MTSS2: variants seen among roughly 807,000 people sequenced by gnomAD.
MTSS2 encodes MTSS I-BAR domain containing 2.
MTSS2 carries 27 observed loss-of-function variants against 67.1 expected under a neutral mutation model. That is an observed-to-expected ratio of 0.40 (90% CI 0.30 to 0.55). The LOEUF (loss-of-function observed/expected upper bound fraction) is 0.55. Ranked by LOEUF, MTSS2 falls within the 20% of genes least tolerant of loss-of-function variation. MTSS2 has a pLI of 0.43. For synonymous variants in MTSS2, 624 were observed against 468.6 expected, an observed-to-expected ratio of 1.33 and a Z score of -4.28; for missense variants, 1,171 against 1,067.8, an observed-to-expected ratio of 1.10 and a Z score of -1.35.
At chr16:70,681,786 G>A (rs975128504) in intron 1 of MTSS2, among the ~76,000 whole-genome samples, 2 of 152,234 alleles carry the variant, frequency 1.3e-5, no homozygotes, top group Non-Finnish European at 2.9e-5. Flanking sequence ...TAGGGAGGTC[G>A]GGCTCCTGGC....
chr16:70,685,782 C>T lies in MTSS2; in HGVS notation c.10G>A (p.Ala4Thr). Residue 4 changes from alanine (A) to threonine (T), a missense_variant, in exon 1 of 15, where the codon GCG (alanine) becomes ACG (threonine). Ala to Thr is a moderately conservative substitution (Grantham distance 58, BLOSUM62 0). This residue lies in a region of MTSS2 where 247 missense variants were observed against 311.8 expected (regional missense o/e 0.79). Transcript: ENST00000338779. ...CCCAGGGCGCCGCACTCCTTCTCCG[C>T]CGTCTCCATGCTCTGGCTGGGCCGG... MET[A>T]EKECGALGGL... 7.2e-7 allele frequency: 1 copy of T among 1,379,436 alleles called. No individual in the cohort carries two copies. 85.4% of individuals were successfully genotyped at this position (1,379,436 alleles called of 1,614,324 possible).
intron 1 of MTSS2, 81 bp downstream of exon 1, chr16:70,685,642 G>A (rs1372443151): frequency 2.2e-5 from 19 of 869,332 alleles, no homozygotes; most frequent in Non-Finnish European, 2.7e-5. Flanking sequence ...GGCCACACGA[G>A]GCTCGGCCAC....
rs2052530143 is a variant in MTSS2, at chr16:70,662,687, CCAGA to C, written c.*986_*989del. 6.5e-6 allele frequency: 1 copy of C among 152,688 alleles called. No homozygotes were observed. The highest frequency in any genetic ancestry group is 1.5e-5 in the Non-Finnish European group (1 of 68,128). 9.5% of individuals were successfully genotyped at this position (152,688 alleles called of 1,614,324 possible). ...GGGGGTCCCTGTCCCCCAGGCACTC[CCAGA>C]CACACACCCTGTATCGTCCCCTCTC... On this transcript the variant is annotated 3_prime_UTR_variant, in exon 15 of 15. Transcript: ENST00000338779.
chr16:70,667,698 C>T (rs2052768682), intron 11 of MTSS2, among the ~76,000 whole-genome samples: 1 of 152,098 alleles, frequency 6.6e-6, no homozygotes. Context: ...CATGGTGAAA[C>T]ACTGTCTCTA....
intron 11 of MTSS2, among the ~76,000 whole-genome samples, chr16:70,673,871 GA>G (rs2053021940): frequency 6.6e-6 from 1 of 152,020 alleles, no homozygotes; most frequent in Non-Finnish European, 1.5e-5. Context: ...ACCTATAAAA[GA>G]AAAGAGACAG....
chr16:70,678,001 C>A, intron 8 of MTSS2, 102 bp from the exon 9 acceptor site: 1 of 1,073,192 alleles, frequency 9.3e-7, no homozygotes, highest in Non-Finnish European at 1.4e-6. Context: ...TCTCCTCTCT[C>A]ACCCCTCCTC....
chr16:70,668,677 T>C (rs1164826853), intron 11 of MTSS2, among the ~76,000 whole-genome samples: 1 of 152,212 alleles, frequency 6.6e-6, no homozygotes, highest in Non-Finnish European at 1.5e-5. Context: ...ATTAGATCAT[T>C]AGGGTGGAGC....
chr16:70,683,765 T>C (rs1456287454), intron 1 of MTSS2, among the ~76,000 whole-genome samples: 1 of 152,122 alleles, frequency 6.6e-6, no homozygotes, highest in Non-Finnish European at 1.5e-5. Context: ...ACCTGGCTGC[T>C]GATGGCCGCC....
chr16:70,677,848 C>T lies in MTSS2; in HGVS notation c.676G>A (p.Asp226Asn), dbSNP rs2053170602. 1 of 1,612,626 alleles carries T rather than the reference C, an allele frequency of 6.2e-7. No homozygotes were observed. Among genetic ancestry groups the T allele is most frequent in the Non-Finnish European group, 8.5e-7 (1 of 1,179,678 alleles). ...GEITHLQGII[D>N]DLVVLTAEPH... ...TCTGCTGTCAGCACCACCAAGTCGT[C>T]GATGATGCCCTGCAGGTGGGTGATC... is the stretch of plus-strand genomic sequence containing the variant. Residue 226 changes from aspartate (D) to asparagine (N), a missense_variant, in exon 9 of 15, where the codon GAC (aspartate) becomes AAC (asparagine). This residue lies in a region of MTSS2 where 247 missense variants were observed against 311.8 expected (regional missense o/e 0.79). Coordinates refer to ENST00000338779, the MANE Select transcript of MTSS2 (RefSeq NM_138383.3).
In MTSS2 at chr16:70,662,010, C is replaced by CAGGCAGTTGTTGAACCT; in HGVS notation, c.*1650_*1666dup. ...GAGCTCCACGGGCTGAGTGCTCGGCCAGGCAGTTGTTGAACCTAGTGACTT... is the reference window on the plus strand; with the variant it reads ...GAGCTCCACGGGCTGAGTGCTCGGCCAGGCAGTTGTTGAACCTAGGCAGTTGTTGAACCTAGTGACTT... On this transcript the variant is annotated 3_prime_UTR_variant, in exon 15 of 15. Transcript: ENST00000338779. 1 of 152,840 alleles carries CAGGCAGTTGTTGAACCT rather than the reference C, an allele frequency of 6.5e-6. No individual in the cohort carries two copies. Among genetic ancestry groups the CAGGCAGTTGTTGAACCT allele is most frequent in the South Asian group, 2.1e-4 (1 of 4,850 alleles). The allele number at this position is 152,840 out of a possible 1,614,324, so 9.5% of individuals were successfully genotyped here. A position where few individuals can be genotyped will look rare whatever the true frequency, so the allele number is the denominator to read the frequency against.
chr16:70,666,031 A>G (rs2052702743), intron 11 of MTSS2, among the ~76,000 whole-genome samples: 1 of 152,014 alleles, frequency 6.6e-6, no homozygotes, highest in Admixed American at 6.6e-5. Context: ...GTGCAGGGAG[A>G]AGTTGGGGTT....
chr16:70,667,040 C>T (rs959350278), intron 11 of MTSS2, among the ~76,000 whole-genome samples: 12 of 152,078 alleles, frequency 7.9e-5, no homozygotes, highest in Admixed American at 7.9e-4. Context: ...CTTTGGGAGG[C>T]TGATGCATAA....
At chr16:70,679,539 C>G in intron 6 of MTSS2, 91 bp downstream of exon 6, 1 of 1,410,842 alleles carries the variant, frequency 7.1e-7, no homozygotes, top group Non-Finnish European at 9.6e-7. Flanking sequence ...GCCCCTCTGG[C>G]TGGGATGAAG....
intron 3 of MTSS2, 59 bp from the exon 4 acceptor site, chr16:70,680,114 C>T: frequency 4.8e-6 from 6 of 1,260,442 alleles, no homozygotes; most frequent in South Asian, 1.9e-5. Context: ...GTCCCGGCCT[C>T]GGGCCAGGAG....
chr16:70,669,305 A>C (rs576119960), intron 11 of MTSS2, among the ~76,000 whole-genome samples: 1 of 152,364 alleles, frequency 6.6e-6, no homozygotes, highest in East Asian at 1.9e-4. Flanking sequence ...ATTGGTAAGA[A>C]GAAGACAGAT....
At position 70,678,400 on chromosome 16, in the gene MTSS2, T is replaced by C; in HGVS notation, c.476A>G (p.Asp159Gly). Residue 159 changes from aspartate to glycine, a missense_variant, in exon 8 of 15, where the codon GAC becomes GGC. Around this residue, in one of 2 missense-constraint regions of MTSS2, gnomAD observed 247 missense variants for 311.8 expected, o/e 0.79. Coordinates refer to ENST00000338779, the MANE Select transcript of MTSS2 (RefSeq NM_138383.3). ...GGCACTGTCCAGCTGGGGCTGCAGG[T>C]CTCCTTTCCCTGGAGGGGTGGGGAG... is the stretch of plus-strand genomic sequence containing the variant. ...KARKELLGKG[D>G]LQPQLDSALQ... 6.2e-7 allele frequency: 1 copy of C among 1,610,552 alleles called. No homozygotes were observed. The highest frequency in any genetic ancestry group is 8.5e-7 in the Non-Finnish European group (1 of 1,178,896).
rs543486963 is a variant in MTSS2, at chr16:70,664,799, C to T, written c.1306-36G>A. ...GAAAGTGCAGGCTGAAGCCTTGCGC[C>T]CCCAATCCCCTCTGCCCAAATTCCA... On this transcript the variant is annotated intron_variant, in intron 13 of 14. Coordinates refer to ENST00000338779, the MANE Select transcript of MTSS2 (RefSeq NM_138383.3). 2.0e-5 allele frequency: 31 copies of T among 1,568,550 alleles called. No individual in the cohort carries two copies. In the South Asian group the frequency reaches 3.4e-4, roughly 17 times the overall value.
In MTSS2 at chr16:70,665,321, G is replaced by A. The variant is rs1052758031; in HGVS notation, c.1128+145C>T. On this transcript the variant is annotated intron_variant, in intron 12 of 14. Coordinates refer to ENST00000338779, the MANE Select transcript of MTSS2 (RefSeq NM_138383.3). Reference sequence around the variant, plus strand: ...GGCAGTGACTGTAGGAAATGGCCAGGTGGCTTGTCTCTTGGGGACAGGTGC... The same window carrying A: ...GGCAGTGACTGTAGGAAATGGCCAGATGGCTTGTCTCTTGGGGACAGGTGC... The A allele has an allele frequency of 6.0e-6, 6 of 998,442 alleles. No homozygotes were observed. The African/African-American group carries it at 9.7e-5, about 16-fold the overall frequency. 61.8% of individuals were successfully genotyped at this position (998,442 alleles called of 1,614,324 possible). A position where few individuals can be genotyped will look rare whatever the true frequency, so the allele number is the denominator to read the frequency against.
At chr16:70,682,210 G>GTCCACAGAT (rs1453438508) in intron 1 of MTSS2, among the ~76,000 whole-genome samples, 1 of 152,186 alleles carries the variant, frequency 6.6e-6, no homozygotes, top group African/African-American at 2.4e-5. Flanking sequence ...TATTTGCAAA[G>GTCCACAGAT]TCCACAGAGG....
Sources: gnomAD v4.1 joint callset for allele counts (sites outside exome capture counted in the v4.1 genomes callset) on GRCh38, gnomAD v4.1.1 for gene constraint, gnomAD v4.1.1 regional missense constraint, MANE v1.5 for transcripts, NCBI Gene and HGNC (gene_info 2026-07-23, HGNC 2026-07-21) for gene names.